The following SV2C variants were observed in gnomAD, a reference collection of about 807,000 sequenced individuals.
SV2C encodes solute carrier family 22 member B3.
SV2C carries 49 observed loss-of-function variants against 79.7 expected under a neutral mutation model. That is an observed-to-expected ratio of 0.61 (90% confidence interval 0.49 to 0.78). The LOEUF is 0.78. Ranked by LOEUF, SV2C falls within the 30% of genes least tolerant of loss-of-function variation. The pLI, the probability that SV2C is intolerant of heterozygous loss-of-function variation, is 0.00. For synonymous variants in SV2C, 334 were observed against 333.2 expected, an observed-to-expected ratio of 1.00 and a Z score of -0.03; for missense variants, 833 against 912.9, an observed-to-expected ratio of 0.91 and a Z score of 1.13.
chr5:75,899,537 A>C, the SV2C span, among the ~76,000 whole-genome samples: 31 of 152,158 alleles, frequency 2.0e-4, no homozygotes, highest in Non-Finnish European at 3.7e-4. Flanking sequence ...AAAAATGTAT[A>C]TTCTGTTGAT....
chr5:76,189,897 A>G (rs1302047151), intron 2 of SV2C, among the ~76,000 whole-genome samples: 1 of 152,096 alleles, frequency 6.6e-6, no homozygotes, highest in Non-Finnish European at 1.5e-5. Flanking sequence ...ATTCACTTTC[A>G]TAGAAATAGC....
At chr5:75,919,962 G>A in the SV2C span, among the ~76,000 whole-genome samples, 1 of 152,200 alleles carries the variant, frequency 6.6e-6, no homozygotes, top group African/African-American at 2.4e-5. Flanking sequence ...TGAAGTATAT[G>A]GCCTCTTTCT....
chr5:75,878,484 G>A, the SV2C span, among the ~76,000 whole-genome samples: 52 of 152,210 alleles, frequency 3.4e-4, no homozygotes, highest in African/African-American at 1.1e-3. Context: ...GTTACTAATG[G>A]TAGGAATAAT....
chr5:75,972,327 G>T, the SV2C span, among the ~76,000 whole-genome samples: 1 of 152,046 alleles, frequency 6.6e-6, no homozygotes, highest in Non-Finnish European at 1.5e-5. Context: ...ATTGACAAAT[G>T]GGATCTAATT....
chr5:75,997,837 C>T, the SV2C span, among the ~76,000 whole-genome samples: 42 of 152,244 alleles, frequency 2.8e-4, no homozygotes, highest in South Asian at 5.0e-3. Context: ...CATCCCATTA[C>T]GGGGTATATA....
the SV2C span, among the ~76,000 whole-genome samples, chr5:75,922,628 G>T: frequency 1.3e-5 from 2 of 152,202 alleles, no homozygotes; most frequent in African/African-American, 4.8e-5. Context: ...GTCTTTCCCA[G>T]GTTCCCTAGC....
intron 4 of SV2C, among the ~76,000 whole-genome samples, chr5:76,270,103 G>C (rs1015613615): frequency 2.0e-5 from 3 of 152,288 alleles, no homozygotes; most frequent in Non-Finnish European, 4.4e-5. Flanking sequence ...GTCTCCTGCA[G>C]GGTCATAAAT....
At chr5:76,005,383 C>T in the SV2C span, among the ~76,000 whole-genome samples, 1 of 152,210 alleles carries the variant, frequency 6.6e-6, no homozygotes, top group Non-Finnish European at 1.5e-5. Flanking sequence ...CAAATATGCG[C>T]TCTTCTCATT....
At chr5:75,947,948 A>G in the SV2C span, among the ~76,000 whole-genome samples, 2 of 151,964 alleles carry the variant, frequency 1.3e-5, no homozygotes, top group African/African-American at 4.8e-5. Flanking sequence ...AACATCAGTG[A>G]ACGCTATTAA....
In SV2C at chr5:76,295,937, T is replaced by C; in HGVS notation, c.1497T>C (p.Asn499=). ...TTCATACTGGAATGGAATACGACAA[T>C]GGCAGGTCTAGAAACTTGAAATAAT... ...NQIHTGMEYD[N]GRFIGVKFKS... Residue 499 remains asparagine, a synonymous_variant, in exon 9 of 13, where the codon AAT becomes AAC. Transcript: ENST00000502798. 6.3e-7 allele frequency: 1 copy of C among 1,586,542 alleles called. No individual in the cohort carries two copies.
Position 76,326,886 on chromosome 5 carries a change from G to A in SV2C, c.*1339G>A, listed in dbSNP as rs969966481. On this transcript the variant is annotated 3_prime_UTR_variant, in exon 13 of 13. Transcript: ENST00000502798. ...CGCCTCTCAGGCTCCCCTTCCCCCA[G>A]GCTCGTCCTTTTTACACCTCTTCTT... 1 of 152,196 alleles carries A rather than the reference G, an allele frequency of 6.6e-6. No individual in the cohort carries two copies. Among genetic ancestry groups the A allele is most frequent in the African/African-American group, 2.4e-5 (1 of 41,426 alleles). The allele number at this position is 152,196 out of a possible 1,614,324, so 9.4% of individuals were successfully genotyped here.
intron 1 of SV2C, among the ~76,000 whole-genome samples, chr5:76,093,962 T>C (rs1291374442): frequency 6.6e-6 from 1 of 152,156 alleles, no homozygotes; most frequent in Non-Finnish European, 1.5e-5. Context: ...AGAAATGTTT[T>C]TGGAGCTGGA....
chr5:75,877,584 T>C, the SV2C span, among the ~76,000 whole-genome samples: 4 of 139,748 alleles, frequency 2.9e-5, no homozygotes, highest in Non-Finnish European at 6.2e-5. Flanking sequence ...TGAAATGAAA[T>C]TTGAAATCAA....
intron 3 of SV2C, among the ~76,000 whole-genome samples, chr5:76,208,536 C>T (rs936105731): frequency 1.3e-5 from 2 of 152,200 alleles, no homozygotes; most frequent in Admixed American, 1.3e-4. Flanking sequence ...CACTAGTTTG[C>T]TGCCAAAATG....
At chr5:75,852,822 T>C in the SV2C span, among the ~76,000 whole-genome samples, 2 of 86,180 alleles carry the variant, frequency 2.3e-5, no homozygotes, top group Non-Finnish European at 4.0e-5. Flanking sequence ...CGAGACTCCG[T>C]CTCAAAAAAA....
At chr5:75,909,933 C>T in the SV2C span, among the ~76,000 whole-genome samples, 5 of 152,122 alleles carry the variant, frequency 3.3e-5, no homozygotes, top group Admixed American at 1.3e-4. Flanking sequence ...CAATAATAGC[C>T]GGTGTTTGAT....
chr5:76,015,001 A>G, the SV2C span, among the ~76,000 whole-genome samples: 1 of 152,162 alleles, frequency 6.6e-6, no homozygotes, highest in African/African-American at 2.4e-5. Context: ...GTCATTGCCC[A>G]TCCAATATTC....
chr5:76,109,706 C>T (rs972621983), intron 1 of SV2C, among the ~76,000 whole-genome samples: 4 of 152,164 alleles, frequency 2.6e-5, no homozygotes, highest in East Asian at 3.9e-4. Flanking sequence ...CCCTACAAGC[C>T]GAGGAATGCC....
At chr5:75,965,851 A>C in the SV2C span, among the ~76,000 whole-genome samples, 4 of 152,340 alleles carry the variant, frequency 2.6e-5, no homozygotes, top group Admixed American at 2.6e-4. Flanking sequence ...AAAAAGAAAA[A>C]TCAAGTACAT....
Sources: allele counts gnomAD v4.1 joint callset (sites outside exome capture counted in the v4.1 genomes callset), GRCh38; gene constraint gnomAD v4.1.1; transcripts MANE v1.5; gene names NCBI Gene and HGNC (gene_info 2026-07-23, HGNC 2026-07-21).